WWP1: variants seen among roughly 807,000 people sequenced by gnomAD.
The protein encoded by WWP1 is WW domain containing E3 ubiquitin protein ligase 1.
In WWP1, 49 loss-of-function variants were observed where a neutral mutation model predicts 130.6. The observed-to-expected ratio is 0.38, with a 90% CI of 0.30 to 0.48. The LOEUF (loss-of-function observed/expected upper bound fraction) is 0.48, where lower values mean the gene tolerates loss of function less well. Ranked by LOEUF, WWP1 falls within the 20% of genes least tolerant of loss-of-function variation. The pLI, the probability that WWP1 is intolerant of heterozygous loss-of-function variation, is 0.99. For missense variants in WWP1, 809 were observed against 1,100.6 expected (o/e 0.74, Z 3.75); for synonymous variants, 332 against 367.8 (o/e 0.90, Z 1.11).
chr8:86,449,589 C>A (rs1456261072), intron 20 of WWP1, among the ~76,000 whole-genome samples: 1 of 152,088 alleles, frequency 6.6e-6, no homozygotes, highest in Non-Finnish European at 1.5e-5. Context: ...ATGATTAGGC[C>A]CATGGGCCGT....
chr8:86,364,699 G>C (rs976224433), intron 1 of WWP1, among the ~76,000 whole-genome samples: 2 of 151,912 alleles, frequency 1.3e-5, no homozygotes, highest in Non-Finnish European at 2.9e-5. Flanking sequence ...TCAACTACTT[G>C]AGAGTCTCAG....
intron 1 of WWP1, among the ~76,000 whole-genome samples, chr8:86,357,576 G>A (rs1236168098): frequency 6.6e-6 from 1 of 152,198 alleles, no homozygotes; most frequent in Non-Finnish European, 1.5e-5. Context: ...AGCTTTGAGG[G>A]AGGCAAGCTG....
At chr8:86,375,035 A>G (rs17608598) in intron 3 of WWP1, among the ~76,000 whole-genome samples, 47,951 of 152,030 alleles carry the variant, frequency 0.32, 9,154 homozygotes, top group Middle Eastern at 0.45. Context: ...TCCATTCAAA[A>G]TGACATTATC....
At chr8:86,351,974 G>A (rs940842179) in intron 1 of WWP1, among the ~76,000 whole-genome samples, 8 of 150,864 alleles carry the variant, frequency 5.3e-5, no homozygotes, top group African/African-American at 9.7e-5. Flanking sequence ...AAACTGAATT[G>A]GTTATTTGGG....
chr8:86,395,717 A>AC lies in WWP1; in HGVS notation c.335-2624dup, dbSNP rs569717295. Among the ~76,000 whole-genome samples, 36 of 152,342 alleles carry AC rather than the reference A, an allele frequency of 2.4e-4. 1 individual carries two copies. The South Asian group carries it at 7.5e-3, about 32-fold the overall frequency. On this transcript the variant is annotated intron_variant, in intron 5 of 24. Transcript: ENST00000517970. ...ATTTAAAAAGCAGCTGTAGAGAAAA[A>AC]CAGAGTATTTGCAAAAATTTATGAA...
chr8:86,395,475 C>G (rs1295756994), intron 5 of WWP1, among the ~76,000 whole-genome samples: 5 of 136,068 alleles, frequency 3.7e-5, no homozygotes, highest in Non-Finnish European at 8.4e-5. Context: ...TCCACAGATT[C>G]ATACTGTCCC....
intron 1 of WWP1, among the ~76,000 whole-genome samples, chr8:86,362,082 A>C (rs1348463545): frequency 1.4e-5 from 2 of 140,780 alleles, no homozygotes; most frequent in Admixed American, 1.4e-4. Context: ...ACACATATAT[A>C]CACACATATA....
rs1255895224 is a variant in WWP1, at chr8:86,442,795, A to G, written c.1998+17A>G. 4 of 1,568,948 alleles carry G rather than the reference A, an allele frequency of 2.5e-6. No individual in the cohort carries two copies. The highest frequency in any genetic ancestry group is 2.0e-5 in the Admixed American group (1 of 49,308). On this transcript the variant is annotated intron_variant, in intron 18 of 24. Coordinates refer to ENST00000517970, the MANE Select transcript of WWP1 (RefSeq NM_007013.4). ...ATTGCCATGGTGAGTTCCTGACTTT[A>G]TTATTATTTATTTAAGTTTGTTACA...
Position 86,461,309 on chromosome 8 carries a change from C to A in WWP1, c.2585C>A (p.Ala862Asp). The A allele has an allele frequency of 6.2e-7, 1 of 1,613,734 alleles. No homozygotes were observed. Among genetic ancestry groups the A allele is most frequent in the Non-Finnish European group, 8.5e-7 (1 of 1,179,686 alleles). Residue 862 changes from alanine to aspartate, a missense_variant, in exon 23 of 25, where the codon GCT becomes GAT. By Grantham distance (126) the Ala-to-Asp change is moderately radical (BLOSUM62 -2). Transcript: ENST00000517970. ...GTCRLPLGGF[A>D]ELMGSNGPQK... ...TGCCGTTTACCTCTAGGAGGATTTGCTGAGCTCATGGGTAAATGTAATTTC... is the reference window on the plus strand; with the variant it reads ...TGCCGTTTACCTCTAGGAGGATTTGATGAGCTCATGGGTAAATGTAATTTC...
chr8:86,462,038 GAA>G (rs1484576620), intron 24 of WWP1, among the ~76,000 whole-genome samples, 192 bp downstream of exon 24: 1 of 152,174 alleles, frequency 6.6e-6, no homozygotes, highest in African/African-American at 2.4e-5. Context: ...AAATATTTGA[GAA>G]ATGCATCCAG....
intron 2 of WWP1, among the ~76,000 whole-genome samples, chr8:86,370,855 CTTTTTTTTTTTT>C (rs555585296): frequency 0.011 from 479 of 44,918 alleles, 21 homozygotes; most frequent in African/African-American, 0.046. Context: ...TATATTCATT[CTTTTTTTTTTTT>C]TTTTTTTTTT....
chr8:86,355,665 C>T (rs780616174), intron 1 of WWP1, among the ~76,000 whole-genome samples: 14 of 152,180 alleles, frequency 9.2e-5, no homozygotes, highest in Non-Finnish European at 1.8e-4. Flanking sequence ...TAACAGCTTA[C>T]CTACTCCATT....
chr8:86,371,040 ATTTTT>A (rs34031275), intron 2 of WWP1, among the ~76,000 whole-genome samples: 2 of 96,926 alleles, frequency 2.1e-5, no homozygotes, highest in Non-Finnish European at 2.2e-5. Flanking sequence ...TAATTTTTGT[ATTTTT>A]TTTTTTTTTT....
In WWP1 at chr8:86,442,797, T is replaced by TA; in HGVS notation, c.1998+20dup. 1 of 1,572,844 alleles carries TA rather than the reference T, an allele frequency of 6.4e-7. No individual in the cohort carries two copies. On this transcript the variant is annotated intron_variant, in intron 18 of 24. Coordinates refer to ENST00000517970, the MANE Select transcript of WWP1 (RefSeq NM_007013.4). ...TGCCATGGTGAGTTCCTGACTTTAT[T>TA]ATTATTTATTTAAGTTTGTTACAAA...
At chr8:86,403,032 G>T (rs1296420675) in intron 8 of WWP1, among the ~76,000 whole-genome samples, 1 of 152,150 alleles carries the variant, frequency 6.6e-6, no homozygotes, top group Non-Finnish European at 1.5e-5. Context: ...ATAATCCTTA[G>T]TGGACTCATT....
chr8:86,451,028 A>G (rs1586492915), intron 20 of WWP1, among the ~76,000 whole-genome samples: 1 of 151,680 alleles, frequency 6.6e-6, no homozygotes, highest in South Asian at 2.1e-4. Context: ...CCTGAGAAAC[A>G]TGGCAAAACC....
intron 18 of WWP1, 57 bp from the exon 19 acceptor site, chr8:86,448,091 C>G: frequency 1.4e-6 from 2 of 1,422,996 alleles, no homozygotes; most frequent in Non-Finnish European, 1.9e-6. Context: ...TATCATTGTT[C>G]TCTAAGAAAT....
At chr8:86,398,524 A>C in intron 6 of WWP1, 45 bp downstream of exon 6, 2 of 1,609,926 alleles carry the variant, frequency 1.2e-6, no homozygotes, top group Non-Finnish European at 1.7e-6. Flanking sequence ...GAAAAAGAAT[A>C]AGCAAGAAGT....
chr8:86,460,967 G>A (rs1420768879), intron 22 of WWP1, among the ~76,000 whole-genome samples: 1 of 151,356 alleles, frequency 6.6e-6, no homozygotes, highest in Non-Finnish European at 1.5e-5. Context: ...CCGACACCAC[G>A]CCCGGCTAAT....
Sources: allele counts gnomAD v4.1 joint callset (sites outside exome capture counted in the v4.1 genomes callset), GRCh38; gene constraint gnomAD v4.1.1; transcripts MANE v1.5; gene names NCBI Gene and HGNC (gene_info 2026-07-23, HGNC 2026-07-21).